The following CSMD1 variants were observed in gnomAD, a reference collection of about 807,000 sequenced individuals.
CSMD1 encodes the protein CUB and Sushi multiple domains 1.
CSMD1 carries 213 observed loss-of-function variants against 417.5 expected under a neutral mutation model. That is an observed-to-expected ratio of 0.51 (90% CI 0.46 to 0.57). The LOEUF (loss-of-function observed/expected upper bound fraction) is 0.57, where lower values mean the gene tolerates loss of function less well. Ranked by LOEUF, CSMD1 falls within the 20% of genes least tolerant of loss-of-function variation. The pLI is 0.00. For synonymous variants in CSMD1, 2,862 were observed against 1,736.8 expected (o/e 1.65, Z -16.11); for missense variants, 6,923 against 4,529.7 (o/e 1.53, Z -15.17).
intron 2 of CSMD1, among the ~76,000 whole-genome samples, chr8:4,492,990 C>T (rs148281173): frequency 2.4e-4 from 37 of 152,248 alleles, no homozygotes; most frequent in Middle Eastern, 3.4e-3. Context: ...CACCCAATTC[C>T]GATCTGAAGA....
intron 2 of CSMD1, among the ~76,000 whole-genome samples, chr8:4,583,803 G>A (rs949469993): frequency 6.6e-6 from 1 of 152,104 alleles, no homozygotes; most frequent in African/African-American, 2.4e-5. Context: ...ATAAAAGCAG[G>A]CTGCCCCAGC....
At chr8:4,051,410 G>A (rs1186511558) in intron 3 of CSMD1, among the ~76,000 whole-genome samples, 1 of 151,958 alleles carries the variant, frequency 6.6e-6, no homozygotes, top group Admixed American at 6.6e-5. Context: ...GCATAATGTA[G>A]TTAAATCAGA....
intron 3 of CSMD1, among the ~76,000 whole-genome samples, chr8:4,154,185 G>C (rs1188824154): frequency 6.6e-6 from 1 of 152,148 alleles, no homozygotes; most frequent in African/African-American, 2.4e-5. Flanking sequence ...TATAACCTTA[G>C]ATGCCACATC....
chr8:4,165,565 C>A (rs1797410802), intron 3 of CSMD1, among the ~76,000 whole-genome samples: 1 of 152,132 alleles, frequency 6.6e-6, no homozygotes. Flanking sequence ...CCATGCCCAG[C>A]TAATTTTTAA....
At chr8:4,974,953 A>C (rs1466729955) in intron 1 of CSMD1, among the ~76,000 whole-genome samples, 2 of 152,236 alleles carry the variant, frequency 1.3e-5, no homozygotes, top group Non-Finnish European at 2.9e-5. Context: ...ATTATTCGAC[A>C]ATAGATTCAA....
At chr8:4,196,917 T>G (rs529246006) in intron 3 of CSMD1, among the ~76,000 whole-genome samples, 1 of 152,320 alleles carries the variant, frequency 6.6e-6, no homozygotes, top group Admixed American at 6.5e-5. Flanking sequence ...TTCTAAGAGT[T>G]TGTTCATGTT....
chr8:4,788,121 T>G, intron 1 of CSMD1: 1 of 1,603,930 alleles, frequency 6.2e-7, no homozygotes, highest in Non-Finnish European at 8.5e-7. Context: ...GGTTGTAGTG[T>G]TGATGGGCTC....
At chr8:4,277,554 C>A (rs1026902140) in intron 3 of CSMD1, among the ~76,000 whole-genome samples, 9 of 152,108 alleles carry the variant, frequency 5.9e-5, no homozygotes, top group Non-Finnish European at 1.3e-4. Context: ...AAATTATAGA[C>A]ATGGATAGAG....
At chr8:3,858,911 T>A (rs1005352301) in intron 5 of CSMD1, among the ~76,000 whole-genome samples, 5 of 152,222 alleles carry the variant, frequency 3.3e-5, no homozygotes, top group Non-Finnish European at 7.3e-5. Flanking sequence ...ATTTTACAAA[T>A]GGATTTGGCG....
intron 3 of CSMD1, among the ~76,000 whole-genome samples, chr8:4,078,209 T>A (rs549184716): frequency 6.6e-6 from 1 of 152,144 alleles, no homozygotes; most frequent in African/African-American, 2.4e-5. Context: ...TTCTACATCA[T>A]TTTTTTCTTT....
At chr8:3,685,506 C>T (rs905903658) in intron 7 of CSMD1, among the ~76,000 whole-genome samples, 4 of 152,080 alleles carry the variant, frequency 2.6e-5, no homozygotes, top group African/African-American at 7.2e-5. Flanking sequence ...AATCCACCTC[C>T]CTGACCTACT....
At chr8:3,483,591 A>G (rs759857687) in intron 11 of CSMD1, among the ~76,000 whole-genome samples, 11 of 152,144 alleles carry the variant, frequency 7.2e-5, no homozygotes, top group Non-Finnish European at 1.5e-4. Context: ...CTTGCAGAAA[A>G]TAACAAAAGA....
chr8:3,639,734 T>A (rs114327135), intron 7 of CSMD1, among the ~76,000 whole-genome samples: 2,215 of 152,306 alleles, frequency 0.015, 60 homozygotes, highest in African/African-American at 0.051. Flanking sequence ...TGATTTTTCT[T>A]TTGCATTTAT....
chr8:4,639,676 C>A (rs1209417550), intron 1 of CSMD1, among the ~76,000 whole-genome samples: 1 of 152,128 alleles, frequency 6.6e-6, no homozygotes, highest in East Asian at 1.9e-4. Flanking sequence ...TATCTCAGCT[C>A]TTATTGTTAA....
chr8:4,912,813 T>A (rs1163306565), intron 1 of CSMD1, among the ~76,000 whole-genome samples: 1 of 150,974 alleles, frequency 6.6e-6, no homozygotes, highest in East Asian at 2.0e-4. Context: ...GGGCACAGAG[T>A]CTTGCTCTGT....
At chr8:4,495,849 A>T (rs1490568866) in intron 2 of CSMD1, among the ~76,000 whole-genome samples, 5 of 152,176 alleles carry the variant, frequency 3.3e-5, no homozygotes, top group African/African-American at 1.2e-4. Flanking sequence ...AGAATTATTA[A>T]TGTAAGTGGA....
chr8:3,336,833 A>G (rs1807295645), intron 23 of CSMD1, among the ~76,000 whole-genome samples: 1 of 152,148 alleles, frequency 6.6e-6, no homozygotes, highest in African/African-American at 2.4e-5. Flanking sequence ...TCTAATTCAT[A>G]TAGCACCTGG....
chr8:3,035,324 T>A (rs1360286623), intron 50 of CSMD1, among the ~76,000 whole-genome samples: 1 of 152,044 alleles, frequency 6.6e-6, no homozygotes, highest in Non-Finnish European at 1.5e-5. Flanking sequence ...TGTAAGCGGA[T>A]CCTCACTCAC....
At chr8:3,570,083 C>G (rs766664897) in intron 10 of CSMD1, among the ~76,000 whole-genome samples, 51 of 152,136 alleles carry the variant, frequency 3.4e-4, no homozygotes, top group Non-Finnish European at 5.7e-4. Flanking sequence ...TAAACCCAAG[C>G]TGCCTAAATT....
Sources: allele counts gnomAD v4.1 joint callset (sites outside exome capture counted in the v4.1 genomes callset), GRCh38; gene constraint gnomAD v4.1.1; transcripts MANE v1.5; gene names NCBI Gene and HGNC (gene_info 2026-07-23, HGNC 2026-07-21).